LHFPL2: variants seen among roughly 807,000 people sequenced by gnomAD.
LHFPL2 encodes the protein LHFPL tetraspan subfamily member 2 protein.
A neutral mutation model predicts 17.5 loss-of-function variants in LHFPL2; 7 were observed. The observed-to-expected ratio is 0.40, with a 90% CI of 0.23 to 0.75. The LOEUF is 0.75. Ranked by LOEUF, LHFPL2 falls within the 30% of genes least tolerant of loss-of-function variation. LHFPL2 has a pLI of 0.37. For synonymous variants in LHFPL2, 134 were observed against 116.2 expected, an observed-to-expected ratio of 1.15 and a Z score of -0.99; for missense variants, 241 against 294.8, an observed-to-expected ratio of 0.82 and a Z score of 1.34.
At chr5:78,606,159 T>G (rs1466310170) in intron 2 of LHFPL2, among the ~76,000 whole-genome samples, 1 of 152,178 alleles carries the variant, frequency 6.6e-6, no homozygotes, top group Admixed American at 6.5e-5. Flanking sequence ...CAAAATAACC[T>G]TATGCCAGTC....
At chr5:78,524,991 T>C (rs1488688089) in intron 3 of LHFPL2, among the ~76,000 whole-genome samples, 1 of 152,250 alleles carries the variant, frequency 6.6e-6, no homozygotes, top group Non-Finnish European at 1.5e-5. Flanking sequence ...ACAGGGTTTC[T>C]CAACTTCAGT....
chr5:78,603,526 CTTTGGAGAAATAT>C (rs1202326052), intron 2 of LHFPL2, among the ~76,000 whole-genome samples: 15 of 152,304 alleles, frequency 9.8e-5, no homozygotes, highest in Admixed American at 3.3e-4. Flanking sequence ...AGAAACTTCT[CTTTGGAGAAATAT>C]ATCCGCAGGA....
chr5:78,557,580 T>C (rs1222603445), intron 3 of LHFPL2, among the ~76,000 whole-genome samples: 1 of 152,348 alleles, frequency 6.6e-6, no homozygotes, highest in African/African-American at 2.4e-5. Flanking sequence ...ATTCCTAACA[T>C]GACCCTGAGT....
In LHFPL2 at chr5:78,502,827, C is replaced by T. The variant is rs115291225; in HGVS notation, c.430+6957G>A. Among the ~76,000 whole-genome samples the T allele has an allele frequency of 5.8e-3, 887 of 152,308 alleles. 7 individuals carry two copies. Among genetic ancestry groups the T allele is most frequent in the African/African-American group, 0.02 (845 of 41,554 alleles). ...ACCAGGTGCTGTCTTTTCAACACTACGTCCCTGAACGTGGCCTCTGTCACT... is the reference window on the plus strand; with the variant it reads ...ACCAGGTGCTGTCTTTTCAACACTATGTCCCTGAACGTGGCCTCTGTCACT... On this transcript the variant is annotated intron_variant, in intron 4 of 4. Coordinates refer to ENST00000380345, the MANE Select transcript of LHFPL2 (RefSeq NM_005779.3).
intron 1 of LHFPL2, chr5:78,644,632 C>A: frequency 2.8e-6 from 1 of 355,230 alleles, no homozygotes; most frequent in South Asian, 3.5e-5. Context: ...TTTCATTTCT[C>A]TTTCATAATG....
At chr5:78,637,848 A>G (rs143958242) in intron 1 of LHFPL2, among the ~76,000 whole-genome samples, 89 of 152,278 alleles carry the variant, frequency 5.8e-4, no homozygotes, top group African/African-American at 1.9e-3. Flanking sequence ...GGGCACAGTC[A>G]AGCTTGAGAA....
At chr5:78,528,049 T>C (rs186032331) in intron 3 of LHFPL2, among the ~76,000 whole-genome samples, 1 of 152,340 alleles carries the variant, frequency 6.6e-6, no homozygotes, top group East Asian at 1.9e-4. Flanking sequence ...CTGTCTAAAA[T>C]TGGATCTCTC....
intron 4 of LHFPL2, among the ~76,000 whole-genome samples, chr5:78,501,995 C>T (rs532119823): frequency 8.0e-5 from 12 of 150,886 alleles, no homozygotes; most frequent in African/African-American, 2.4e-4. Context: ...TTTCAAGTGT[C>T]AATTAAAAAA....
In LHFPL2 at chr5:78,488,850, G is replaced by GT. The variant is rs768760163; in HGVS notation, c.*46dup. 2 of 1,600,840 alleles carry GT rather than the reference G, an allele frequency of 1.2e-6. No individual in the cohort carries two copies. The highest frequency in any genetic ancestry group is 2.2e-5 in the South Asian group (2 of 90,368). On this transcript the variant is annotated 3_prime_UTR_variant, in exon 5 of 5. Coordinates refer to ENST00000380345, the MANE Select transcript of LHFPL2 (RefSeq NM_005779.3). ...GACTCAAATGATGAAACTGTGGACT[G>GT]TTTCACAAGATTACTCAAGGGAGAA...
At chr5:78,635,416 C>T (rs915736377) in intron 1 of LHFPL2, among the ~76,000 whole-genome samples, 8 of 152,196 alleles carry the variant, frequency 5.3e-5, no homozygotes, top group Non-Finnish European at 1.2e-4. Context: ...TGGTTTCTGC[C>T]GCTGGCCAAG....
chr5:78,542,597 CCACATGCA>C (rs1756146374), intron 3 of LHFPL2, among the ~76,000 whole-genome samples: 1 of 152,184 alleles, frequency 6.6e-6, no homozygotes, highest in African/African-American at 2.4e-5. Context: ...ACCCTCATCT[CCACATGCA>C]CACCTCTCGC....
In LHFPL2 at chr5:78,547,232, C is replaced by T. The variant is rs180930375; in HGVS notation, c.-186+17581G>A. Among the ~76,000 whole-genome samples, 64 of 152,322 alleles carry T rather than the reference C, an allele frequency of 4.2e-4. 1 individual carries two copies. In the East Asian group the frequency reaches 5.4e-3, roughly 13 times the overall value. On this transcript the variant is annotated intron_variant, in intron 3 of 4. Coordinates refer to ENST00000380345, the MANE Select transcript of LHFPL2 (RefSeq NM_005779.3). ...CGGGGCACTCCTGCTCCTCATCTCACGGCTGCATCAGTAACAACAGAGGCA... is the reference window on the plus strand; with the variant it reads ...CGGGGCACTCCTGCTCCTCATCTCATGGCTGCATCAGTAACAACAGAGGCA...
intron 4 of LHFPL2, among the ~76,000 whole-genome samples, chr5:78,502,912 T>G (rs1754817001): frequency 6.6e-6 from 1 of 151,926 alleles, no homozygotes; most frequent in African/African-American, 2.4e-5. Flanking sequence ...TGGACACGTA[T>G]TTGTACTGAT....
Position 78,585,207 on chromosome 5 carries a change from C to T in LHFPL2, c.-244-20336G>A, listed in dbSNP as rs1446914507. On this transcript the variant is annotated intron_variant, in intron 2 of 4. Transcript: ENST00000380345. ...ATTTTTAGTAGAGACGGGGTTTCAC[C>T]GTTTTTAGCCGGGATGGTCTCGATA... Among the ~76,000 whole-genome samples, 5 of 94,474 alleles carry T rather than the reference C, an allele frequency of 5.3e-5. 1 individual carries two copies. The highest frequency in any genetic ancestry group is 9.9e-5 in the Admixed American group (1 of 10,122). 62.0% of individuals were successfully genotyped at this position (94,474 alleles called of 152,430 possible).
intron 2 of LHFPL2, among the ~76,000 whole-genome samples, chr5:78,599,964 G>T (rs1288518432): frequency 6.6e-6 from 1 of 152,048 alleles, no homozygotes; most frequent in Admixed American, 6.6e-5. Flanking sequence ...AATTTTAAGT[G>T]ATCAGGAAAA....
intron 2 of LHFPL2, among the ~76,000 whole-genome samples, chr5:78,615,971 G>C (rs191343041): frequency 2.3e-3 from 351 of 152,132 alleles, no homozygotes; most frequent in African/African-American, 7.8e-3. Flanking sequence ...CTCAGGACCA[G>C]GAATGCTTAC....
intron 3 of LHFPL2, among the ~76,000 whole-genome samples, chr5:78,531,057 T>C (rs1447484391): frequency 6.6e-6 from 1 of 152,002 alleles, no homozygotes; most frequent in Non-Finnish European, 1.5e-5. Context: ...TTTAAGGGGG[T>C]GCAAAATGGT....
At chr5:78,498,239 G>A (rs1055086139) in intron 4 of LHFPL2, among the ~76,000 whole-genome samples, 14 of 152,188 alleles carry the variant, frequency 9.2e-5, no homozygotes, top group African/African-American at 3.1e-4. Context: ...CACTCCTCTT[G>A]GCAGCATCGC....
chr5:78,646,476 G>A (rs1745883516), intron 1 of LHFPL2, among the ~76,000 whole-genome samples: 1 of 152,322 alleles, frequency 6.6e-6, no homozygotes, highest in East Asian at 1.9e-4. Flanking sequence ...AATTATCCGA[G>A]CTGAATTATT....
Sources: allele counts gnomAD v4.1 joint callset (sites outside exome capture counted in the v4.1 genomes callset), GRCh38; gene constraint gnomAD v4.1.1; transcripts MANE v1.5; gene names NCBI Gene and HGNC (gene_info 2026-07-23, HGNC 2026-07-21).